Variants in XPO4 observed in about 807,000 individuals in gnomAD.
XPO4 encodes the protein exportin-4.
Under a neutral mutation model 143.0 loss-of-function variants are expected in XPO4, and 39 were observed. That is an observed-to-expected ratio of 0.27 (90% CI 0.21 to 0.36). XPO4 has a LOEUF of 0.36. Among genes scored for constraint, XPO4 ranks in the 10% least tolerant of loss-of-function variants. The pLI is 1.00. For missense variants in XPO4, 907 were observed against 1,348.0 expected (o/e 0.67, Z 5.12); for synonymous variants, 439 against 474.0 (o/e 0.93, Z 0.96).
intron 3 of XPO4, among the ~76,000 whole-genome samples, chr13:20,861,777 CTTTTTTTTTTT>C (rs71200306): frequency 4.1e-5 from 3 of 73,442 alleles, no homozygotes; most frequent in Non-Finnish European, 7.7e-5. Context: ...ACATTTCTCT[CTTTTTTTTTTT>C]TTTTTTTTTT....
intron 3 of XPO4, among the ~76,000 whole-genome samples, chr13:20,859,435 C>T (rs557777075): frequency 6.6e-6 from 1 of 152,196 alleles, no homozygotes; most frequent in East Asian, 1.9e-4. Flanking sequence ...CCCGTCTCTA[C>T]TAAAAATACA....
rs755651069 is a variant in XPO4, at chr13:20,796,918, A to G, written c.2462T>C (p.Ile821Thr). 2 of 1,614,174 alleles carry G rather than the reference A, an allele frequency of 1.2e-6. No individual in the cohort carries two copies. Among genetic ancestry groups the G allele is most frequent in the South Asian group, 1.1e-5 (1 of 91,084 alleles). The change falls in exon 17 of 23, where the codon ATT becomes ACT. Residue 821 changes from isoleucine (I) to threonine (T), a missense_variant. Ile to Thr is a moderately conservative substitution (Grantham distance 89). Coordinates refer to ENST00000255305, the MANE Select transcript of XPO4 (RefSeq NM_022459.5). Reference protein sequence around the residue: ...ALCGIAEATQIDNVAILFNFL... With the variant: ...ALCGIAEATQTDNVAILFNFL... ...ATTAAACAGGATTGCTACGTTGTCAATCTGGGTAGCCTCAGCAATGCCACA... is the reference window on the plus strand; with the variant it reads ...ATTAAACAGGATTGCTACGTTGTCAGTCTGGGTAGCCTCAGCAATGCCACA...
intron 2 of XPO4, among the ~76,000 whole-genome samples, chr13:20,863,790 A>G (rs569613550): frequency 6.6e-6 from 1 of 152,344 alleles, no homozygotes; most frequent in South Asian, 2.1e-4. Context: ...GGACATGCAT[A>G]TCTGAAAGCC....
chr13:20,882,451 G>T (rs1454283449), intron 1 of XPO4, among the ~76,000 whole-genome samples: 3 of 152,044 alleles, frequency 2.0e-5, no homozygotes, highest in Non-Finnish European at 4.4e-5. Context: ...GATCTCCGGT[G>T]AACTCAGAGG....
rs184771611 is a variant in XPO4, at chr13:20,803,087, T to G, written c.1818-2097A>C. ...TAATAGATATAAGTACTGAGAAAAC[T>G]TCATATAAGTAGAACCTATTTTTAA... is the stretch of plus-strand genomic sequence containing the variant. On this transcript the variant is annotated intron_variant, in intron 13 of 22. Transcript: ENST00000255305. The surrounding 1 kb of genome is among the most constrained non-coding windows in gnomAD (Gnocchi z 4.1). Among the ~76,000 whole-genome samples, 1 of 152,294 alleles carries G rather than the reference T, an allele frequency of 6.6e-6. No homozygotes were observed. Among genetic ancestry groups the G allele is most frequent in the Admixed American group, 6.5e-5 (1 of 15,290 alleles).
At chr13:20,876,412 A>T (rs1173442092) in intron 1 of XPO4, among the ~76,000 whole-genome samples, 1 of 151,934 alleles carries the variant, frequency 6.6e-6, no homozygotes, top group Non-Finnish European at 1.5e-5. Flanking sequence ...AACCTATGAC[A>T]TATGACAAAT....
At chr13:20,829,791 G>C (rs2059830320) in intron 6 of XPO4, among the ~76,000 whole-genome samples, 1 of 152,124 alleles carries the variant, frequency 6.6e-6, no homozygotes, top group South Asian at 2.1e-4. Flanking sequence ...TTTGGTAAGA[G>C]GGAGATGATA....
At position 20,799,159 on chromosome 13, in the gene XPO4, T is replaced by C. The variant is rs745989819; in HGVS notation, c.2322+6A>G. 1.3e-6 allele frequency: 2 copies of C among 1,584,958 alleles called. No homozygotes were observed. Among genetic ancestry groups the C allele is most frequent in the Non-Finnish European group, 1.7e-6 (2 of 1,160,840 alleles). On this transcript the variant is annotated splice_donor_region_variant and intron_variant, in intron 16 of 22. Coordinates refer to ENST00000255305, the MANE Select transcript of XPO4 (RefSeq NM_022459.5). ...AGGGTGCAATCAAAATAGACAGCAC[T>C]GTTACCTCTGTCCAATACTGCTGTT...
At position 20,902,699 on chromosome 13, in the gene XPO4, G is replaced by C; in HGVS notation, c.40C>G (p.Gln14Glu). 6.3e-7 allele frequency: 1 copy of C among 1,585,652 alleles called. No individual in the cohort carries two copies. Among genetic ancestry groups the C allele is most frequent in the Middle Eastern group, 1.7e-4 (1 of 5,972 alleles). Residue 14 changes from glutamine (Q) to glutamate (E), a missense_variant, in exon 1 of 23, where the codon CAG becomes GAG. Transcript: ENST00000255305. ...AGAACTTTAGCCGCGTTCTCCAGCT[G>C]AGCGATCACTTCTGGGGGCCCCAGC... ...AALGPPEVIA[Q>E]LENAAKVLMA...
At chr13:20,801,170 G>A (rs1414794016) in intron 13 of XPO4, among the ~76,000 whole-genome samples, 180 bp from the exon 14 acceptor site, 2 of 152,094 alleles carry the variant, frequency 1.3e-5, no homozygotes, top group African/African-American at 2.4e-5. Flanking sequence ...GATCTTTCAC[G>A]AAGCAGGAGA....
At chr13:20,839,696 G>C (rs1192084675) in intron 6 of XPO4, among the ~76,000 whole-genome samples, 1 of 151,922 alleles carries the variant, frequency 6.6e-6, no homozygotes, top group African/African-American at 2.4e-5. Flanking sequence ...AAAAAAATTA[G>C]TCAGGGCCAG....
intron 3 of XPO4, among the ~76,000 whole-genome samples, chr13:20,860,892 G>A (rs184572608): frequency 2.8e-4 from 43 of 151,840 alleles, no homozygotes; most frequent in Non-Finnish European, 5.1e-4. Flanking sequence ...ACACTAATAG[G>A]CTACAGAACC....
chr13:20,855,192 AC>A (rs2060130194), intron 4 of XPO4, among the ~76,000 whole-genome samples: 2 of 152,200 alleles, frequency 1.3e-5, no homozygotes, highest in Admixed American at 1.3e-4. Context: ...GCAGTGGCTC[AC>A]ACCTGTAATA....
At chr13:20,788,276 C>T (rs961773605) in intron 20 of XPO4, among the ~76,000 whole-genome samples, 5 of 152,104 alleles carry the variant, frequency 3.3e-5, no homozygotes, top group African/African-American at 9.6e-5. Flanking sequence ...AGGCTGGTCT[C>T]GAACTCCTGA....
At chr13:20,839,372 G>A (rs539227291) in intron 6 of XPO4, among the ~76,000 whole-genome samples, 1 of 152,314 alleles carries the variant, frequency 6.6e-6, no homozygotes, top group East Asian at 1.9e-4. Context: ...ACTGGGGAAG[G>A]TGGAAATGGA....
intron 1 of XPO4, among the ~76,000 whole-genome samples, chr13:20,885,005 C>T (rs1443006065): frequency 6.6e-6 from 1 of 151,908 alleles, no homozygotes; most frequent in Non-Finnish European, 1.5e-5. Context: ...CTCTTGTTGC[C>T]CAGGCTGGAA....
intron 6 of XPO4, among the ~76,000 whole-genome samples, chr13:20,836,940 T>C (rs1455448586): frequency 6.6e-6 from 1 of 152,240 alleles, no homozygotes; most frequent in African/African-American, 2.4e-5. Context: ...CTTTTGTGAA[T>C]GGCTTTTTTC....
chr13:20,840,333 G>T (rs7319867), intron 6 of XPO4, among the ~76,000 whole-genome samples: 1 of 151,662 alleles, frequency 6.6e-6, no homozygotes, highest in Non-Finnish European at 1.5e-5. Context: ...TCAGCCTCCC[G>T]AACAGCTGGG....
At chr13:20,825,957 A>C (rs983256586) in intron 7 of XPO4, among the ~76,000 whole-genome samples, 1 of 152,198 alleles carries the variant, frequency 6.6e-6, no homozygotes, top group Non-Finnish European at 1.5e-5. Flanking sequence ...TAAATGGTTC[A>C]ATCAGAAAAA....
Sources: allele counts gnomAD v4.1 joint callset (sites outside exome capture counted in the v4.1 genomes callset), GRCh38; gene constraint gnomAD v4.1.1; non-coding constraint Gnocchi (gnomAD v3.1); transcripts MANE v1.5; gene names NCBI Gene and HGNC (gene_info 2026-07-23, HGNC 2026-07-21).